The following PTPRT variants were observed in gnomAD, a reference collection of about 807,000 sequenced individuals.
PTPRT encodes the protein receptor-type tyrosine-protein phosphatase T.
In PTPRT, 56 loss-of-function variants were observed where a neutral mutation model predicts 176.8. The ratio of observed to expected loss-of-function variants is 0.32; its 90% CI spans 0.26 to 0.40. PTPRT has a LOEUF of 0.40. Ranked by LOEUF, PTPRT falls within the 10% of genes least tolerant of loss-of-function variation. PTPRT has a pLI of 1.00. For missense variants in PTPRT, 1,540 were observed against 1,908.2 expected (o/e 0.81, Z 3.60); for synonymous variants, 783 against 739.0 (o/e 1.06, Z -0.96).
At chr20:42,461,094 G>A (rs1174898680) in intron 8 of PTPRT, among the ~76,000 whole-genome samples, 1 of 152,166 alleles carries the variant, frequency 6.6e-6, no homozygotes, top group African/African-American at 2.4e-5. Flanking sequence ...TTGGGAGGCC[G>A]AGGCCAGTGG....
intron 18 of PTPRT, among the ~76,000 whole-genome samples, chr20:42,135,044 C>G (rs1988306707): frequency 6.6e-6 from 1 of 152,224 alleles, no homozygotes; most frequent in Non-Finnish European, 1.5e-5. Context: ...AATTCTTCCT[C>G]TCCTCATAGC....
At chr20:42,902,174 C>A (rs769117576) in intron 1 of PTPRT, among the ~76,000 whole-genome samples, 60 of 152,190 alleles carry the variant, frequency 3.9e-4, no homozygotes, top group Admixed American at 5.2e-4. Context: ...CTAAAAACCT[C>A]TTCTTCTGAA....
chr20:42,391,240 A>T (rs759538970), intron 9 of PTPRT, among the ~76,000 whole-genome samples: 2 of 151,582 alleles, frequency 1.3e-5, no homozygotes, highest in Non-Finnish European at 2.9e-5. Flanking sequence ...CACTTTTCAG[A>T]TCCCTCGACT....
At chr20:42,537,980 T>G (rs978713831) in intron 7 of PTPRT, among the ~76,000 whole-genome samples, 1 of 152,298 alleles carries the variant, frequency 6.6e-6, no homozygotes, top group Non-Finnish European at 1.5e-5. Context: ...ATAATGAAGA[T>G]AGTTATTGAG....
chr20:42,633,209 A>C (rs2074452151), intron 7 of PTPRT, among the ~76,000 whole-genome samples: 1 of 152,160 alleles, frequency 6.6e-6, no homozygotes, highest in African/African-American at 2.4e-5. Flanking sequence ...ACCATCTGAA[A>C]TTGATTCATT....
At chr20:43,068,911 C>CG (rs762854597) in intron 1 of PTPRT, among the ~76,000 whole-genome samples, 1 of 152,166 alleles carries the variant, frequency 6.6e-6, no homozygotes. Flanking sequence ...GATGAAAGGT[C>CG]ACTGGAGTTG....
rs114649934 is a variant in PTPRT, at chr20:42,437,149, G to A, written c.1560+11071C>T. Among the ~76,000 whole-genome samples the A allele has an allele frequency of 3.3e-3, 505 of 152,284 alleles. 4 individuals are homozygous for A. Among genetic ancestry groups the A allele is most frequent in the African/African-American group, 0.012 (487 of 41,564 alleles). ...AATGTTAGGTGTTGTCAGCATTCTGGTTGTCTTTTAGTTGGTGTGTTACTG... is the reference window on the plus strand; with the variant it reads ...AATGTTAGGTGTTGTCAGCATTCTGATTGTCTTTTAGTTGGTGTGTTACTG... On this transcript the variant is annotated intron_variant, in intron 9 of 30. Coordinates refer to ENST00000373187, the MANE Select transcript of PTPRT (RefSeq NM_007050.6).
At chr20:42,908,591 T>C (rs1267927475) in intron 1 of PTPRT, among the ~76,000 whole-genome samples, 2 of 152,198 alleles carry the variant, frequency 1.3e-5, no homozygotes, top group African/African-American at 2.4e-5. Context: ...CAGTGTCCCC[T>C]CTAGCAGGTT....
intron 1 of PTPRT, among the ~76,000 whole-genome samples, chr20:43,139,418 G>A (rs1345363782): frequency 6.6e-6 from 1 of 152,208 alleles, no homozygotes; most frequent in African/African-American, 2.4e-5. Context: ...GCTCCGAGCA[G>A]TGCAAGTCCT....
rs1004680399 is a variant in PTPRT at position 42,073,993 on chromosome 20, T to A, written c.*6886A>T. 2.6e-5 allele frequency: 6 copies of A among 230,730 alleles called. No individual in the cohort carries two copies. Among genetic ancestry groups the A allele is most frequent in the Non-Finnish European group, 5.1e-5 (6 of 116,546 alleles). The allele number at this position is 230,730 out of a possible 1,614,324, so 14.3% of individuals were successfully genotyped here. A position where few individuals can be genotyped will look rare whatever the true frequency, so the allele number is the denominator to read the frequency against. The stretch of plus-strand genomic sequence containing the variant: ...CTTCCTTACAGCTATTAAGTTTCAC[T>A]CATGGGTCCTAGTTATACTCAGAGG... On this transcript the variant is annotated 3_prime_UTR_variant, in exon 31 of 31. Transcript: ENST00000373187.
intron 15 of PTPRT, among the ~76,000 whole-genome samples, chr20:42,205,533 A>G (rs552212060): frequency 6.6e-5 from 10 of 152,148 alleles, no homozygotes; most frequent in Non-Finnish European, 1.0e-4. Context: ...GAGGTGGTGG[A>G]GGATCCCAGG....
intron 6 of PTPRT, among the ~76,000 whole-genome samples, chr20:42,744,291 G>T (rs916695810): frequency 1.3e-5 from 2 of 152,122 alleles, no homozygotes; most frequent in Non-Finnish European, 2.9e-5. Context: ...CCATAACACA[G>T]AACACACAAT....
chr20:42,738,462 T>C (rs1277503161), intron 6 of PTPRT, among the ~76,000 whole-genome samples: 7 of 151,906 alleles, frequency 4.6e-5, no homozygotes, highest in Admixed American at 4.6e-4. Context: ...TGAGCCAAGA[T>C]TGTACCACTG....
chr20:43,046,791 AT>A (rs1175534756), intron 1 of PTPRT, among the ~76,000 whole-genome samples: 4 of 152,186 alleles, frequency 2.6e-5, no homozygotes, highest in Non-Finnish European at 5.9e-5. Context: ...TCAGTAGGCA[AT>A]CCCTCGAGAG....
At chr20:42,972,894 G>T (rs1982738250) in intron 1 of PTPRT, among the ~76,000 whole-genome samples, 1 of 152,032 alleles carries the variant, frequency 6.6e-6, no homozygotes, top group Non-Finnish European at 1.5e-5. Context: ...TGGCTACTGA[G>T]TACCTAAAAT....
At chr20:42,394,775 T>C (rs568809204) in intron 9 of PTPRT, among the ~76,000 whole-genome samples, 1 of 152,164 alleles carries the variant, frequency 6.6e-6, no homozygotes, top group South Asian at 2.1e-4. Context: ...CATTGAATCA[T>C]TATTTGTTCA....
At chr20:42,382,760 C>A (rs115643046) in intron 9 of PTPRT, among the ~76,000 whole-genome samples, 4 of 152,072 alleles carry the variant, frequency 2.6e-5, no homozygotes, top group Non-Finnish European at 5.9e-5. Context: ...CCCTATAGGA[C>A]GGTAACCACT....
intron 13 of PTPRT, among the ~76,000 whole-genome samples, chr20:42,256,355 T>G (rs1416650911): frequency 1.3e-5 from 2 of 152,318 alleles, no homozygotes; most frequent in East Asian, 1.9e-4. Flanking sequence ...CTCTAGACTT[T>G]ACAAATTGCA....
At chr20:42,115,458 G>A in intron 21 of PTPRT, 143 bp from the exon 22 acceptor site, 1 of 656,194 alleles carries the variant, frequency 1.5e-6, no homozygotes. Context: ...CAGTCCACAG[G>A]GTTCACAGCT....
Sources: gnomAD v4.1 joint callset for allele counts (sites outside exome capture counted in the v4.1 genomes callset) on GRCh38, gnomAD v4.1.1 for gene constraint, MANE v1.5 for transcripts, NCBI Gene and HGNC (gene_info 2026-07-23, HGNC 2026-07-21) for gene names.